Variants in UTS2 observed in about 807,000 individuals in gnomAD.
The protein encoded by UTS2 is urotensin-2.
Under a neutral mutation model 12.6 loss-of-function variants are expected in UTS2, and 10 were observed. The ratio of observed to expected loss-of-function variants is 0.80; its 90% CI spans 0.49 to 1.35. The LOEUF is 1.35. UTS2 is among the 40% of genes most tolerant of loss of function. UTS2 has a pLI of 0.00. For synonymous variants in UTS2, 52 were observed against 50.0 expected, an observed-to-expected ratio of 1.04 and a Z score of -0.17; for missense variants, 142 against 143.2, an observed-to-expected ratio of 0.99 and a Z score of 0.04.
chr1:7,865,768 AC>A, the UTS2 span, among the ~76,000 whole-genome samples: 1 of 152,024 alleles, frequency 6.6e-6, no homozygotes, highest in Non-Finnish European at 1.5e-5. Context: ...CCCCATCTCT[AC>A]AAATACAATT....
At chr1:7,849,068 A>G (rs1042842400) in intron 3 of UTS2, among the ~76,000 whole-genome samples, 3 of 152,156 alleles carry the variant, frequency 2.0e-5, no homozygotes, top group African/African-American at 7.2e-5. Flanking sequence ...GCCAGACTGG[A>G]GAGCAGGGAC....
intron 3 of UTS2, among the ~76,000 whole-genome samples, chr1:7,849,095 A>G (rs2097411058): frequency 6.6e-6 from 1 of 152,034 alleles, no homozygotes; most frequent in Admixed American, 6.6e-5. Flanking sequence ...CATTTTTTTC[A>G]TTCTTTCACA....
chr1:7,862,974 TTATTTATTGTGTTGTG>T, the UTS2 span, among the ~76,000 whole-genome samples: 12 of 129,468 alleles, frequency 9.3e-5, no homozygotes, highest in African/African-American at 2.4e-4. Flanking sequence ...CTGACGGCCG[TTATTTATTGTGTTGTG>T]TTGTATTGTA....
the UTS2 span, among the ~76,000 whole-genome samples, chr1:7,864,503 C>T: frequency 6.6e-6 from 1 of 152,224 alleles, no homozygotes; most frequent in Non-Finnish European, 1.5e-5. Flanking sequence ...TTTGAGTTTT[C>T]TTTAACTGAA....
At chr1:7,890,855 A>C in the UTS2 span, among the ~76,000 whole-genome samples, 344 of 151,884 alleles carry the variant, frequency 2.3e-3, 1 homozygote, top group Non-Finnish European at 4.1e-3. Context: ...AAAAAAAAAA[A>C]AAAAAAACCT....
chr1:7,886,185 A>G, the UTS2 span, among the ~76,000 whole-genome samples: 51 of 151,874 alleles, frequency 3.4e-4, no homozygotes, highest in Non-Finnish European at 5.7e-4. Context: ...GGGAGGGGGG[A>G]GGGCCTCAAA....
At chr1:7,911,130 C>T in the UTS2 span, among the ~76,000 whole-genome samples, 3 of 152,170 alleles carry the variant, frequency 2.0e-5, no homozygotes, top group East Asian at 1.9e-4. Context: ...GCTATCAGAC[C>T]GCAAAGGTGC....
upstream of UTS2, among the ~76,000 whole-genome samples, chr1:7,855,862 C>T (rs1329023447): frequency 6.7e-6 from 1 of 149,538 alleles, no homozygotes; most frequent in Non-Finnish European, 1.5e-5. Context: ...CCACGCTCAG[C>T]TAGTTTTTTT....
chr1:7,861,501 C>T, the UTS2 span, among the ~76,000 whole-genome samples: 5 of 152,372 alleles, frequency 3.3e-5, no homozygotes, highest in East Asian at 5.8e-4. Flanking sequence ...AGCTGGAAGA[C>T]GCTCTGGCGT....
chr1:7,880,252 T>G, the UTS2 span, among the ~76,000 whole-genome samples: 2 of 152,210 alleles, frequency 1.3e-5, no homozygotes, highest in East Asian at 3.9e-4. Flanking sequence ...AGCAAGACCC[T>G]GTCTCAAATT....
chr1:7,860,611 C>T, the UTS2 span, among the ~76,000 whole-genome samples: 2 of 152,038 alleles, frequency 1.3e-5, no homozygotes, highest in Non-Finnish European at 2.9e-5. Context: ...ACTCTGTTGC[C>T]CAGGCTGGAG....
At position 7,850,854 on chromosome 1, in the gene UTS2, C is replaced by T; in HGVS notation, c.172G>A (p.Glu58Lys). 6.2e-7 allele frequency: 1 copy of T among 1,614,212 alleles called. No homozygotes were observed. Among genetic ancestry groups the T allele is most frequent in the South Asian group, 1.1e-5 (1 of 91,086 alleles). ...TCCCCTCTTTCTGCACCCAGCATCT[C>T]TGGCAGTATCTGTAGAAGGGAAGCT... is the stretch of plus-strand genomic sequence containing the variant. ...ERASLLQILP[E>K]MLGAERGDIL... Residue 58 changes from glutamate to lysine, a missense_variant, in exon 2 of 4, where the codon GAG (glutamate) becomes AAG (lysine). Glu to Lys is a moderately conservative substitution (Grantham distance 56). Coordinates refer to ENST00000361696, the MANE Select transcript of UTS2 (RefSeq NM_006786.4).
At chr1:7,863,017 T>C in the UTS2 span, among the ~76,000 whole-genome samples, 269 of 23,300 alleles carry the variant, frequency 0.012, 4 homozygotes, top group African/African-American at 0.033. Context: ...TGTATTGTAT[T>C]GTATTGTATT....
At chr1:7,889,442 C>CAAAAAAAAAAAAA in the UTS2 span, among the ~76,000 whole-genome samples, 11 of 85,326 alleles carry the variant, frequency 1.3e-4, no homozygotes, top group East Asian at 3.6e-4. Context: ...ATCTTATCAC[C>CAAAAAAAAAAAAA]AAAAAAAAAA....
At chr1:7,891,296 G>A in the UTS2 span, among the ~76,000 whole-genome samples, 1 of 151,972 alleles carries the variant, frequency 6.6e-6, no homozygotes, top group Non-Finnish European at 1.5e-5. Context: ...ATTGCTGGGA[G>A]GGCCGGATCA....
At chr1:7,902,199 C>CCCT in the UTS2 span, among the ~76,000 whole-genome samples, 152,186 of 152,196 alleles carry the variant, frequency 1, 76,089 homozygotes, top group Middle Eastern at 1. Context: ...TATCTCTGCC[C>CCCT]CCGGGTGAGG....
the UTS2 span, among the ~76,000 whole-genome samples, chr1:7,878,726 T>A: frequency 6.6e-6 from 1 of 151,692 alleles, no homozygotes; most frequent in Non-Finnish European, 1.5e-5. Flanking sequence ...GATAAATAGA[T>A]TGGCTGAGTG....
the UTS2 span, among the ~76,000 whole-genome samples, chr1:7,871,528 C>A: frequency 0.17 from 26,048 of 152,048 alleles, 2,901 homozygotes; most frequent in South Asian, 0.28. Flanking sequence ...GTGTCAGCAG[C>A]ATACCTTGTT....
the UTS2 span, among the ~76,000 whole-genome samples, chr1:7,905,341 C>T: frequency 6.6e-6 from 1 of 151,882 alleles, no homozygotes; most frequent in Non-Finnish European, 1.5e-5. Context: ...CACGGGGTTT[C>T]TCCATGTTGG....
Sources: gnomAD v4.1 joint callset for allele counts (sites outside exome capture counted in the v4.1 genomes callset) on GRCh38, gnomAD v4.1.1 for gene constraint, MANE v1.5 for transcripts, NCBI Gene and HGNC (gene_info 2026-07-23, HGNC 2026-07-21) for gene names.